SZT2: variants seen among roughly 807,000 people sequenced by gnomAD.
SZT2 encodes the protein KICSTOR complex protein SZT2.
A neutral mutation model predicts 404.2 loss-of-function variants in SZT2; 216 were observed. That is an observed-to-expected ratio of 0.53 (90% CI 0.48 to 0.60). The LOEUF (loss-of-function observed/expected upper bound fraction) is 0.60, where lower values mean the gene tolerates loss of function less well. Among genes scored for constraint, SZT2 ranks in the 20% least tolerant of loss-of-function variants. SZT2 has a pLI of 0.00. For missense variants in SZT2, 3,857 were observed against 4,459.2 expected (o/e 0.86, Z 3.85); for synonymous variants, 1,693 against 1,749.9 (o/e 0.97, Z 0.81).
In SZT2 at chr1:43,452,755, C is replaced by T. The variant is rs2153938325; in HGVS notation, c.*2275C>T. On this transcript the variant is annotated 3_prime_UTR_variant, in exon 72 of 72. Transcript: ENST00000634258. ...CAGTAGTGATCCCCTCTTGCCAGTTCCTTCTGAGCCTGTTTGGCCTCTGCA... is the reference window on the plus strand; with the variant it reads ...CAGTAGTGATCCCCTCTTGCCAGTTTCTTCTGAGCCTGTTTGGCCTCTGCA... 1.3e-5 allele frequency: 10 copies of T among 765,154 alleles called. No individual in the cohort carries two copies. In the South Asian group the frequency reaches 1.7e-4, roughly 13 times the overall value. 47.4% of individuals were successfully genotyped at this position (765,154 alleles called of 1,614,324 possible).
At chr1:43,391,309 C>A (rs111288020) in intron 1 of SZT2, among the ~76,000 whole-genome samples, 3 of 150,200 alleles carry the variant, frequency 2.0e-5, no homozygotes, top group African/African-American at 4.9e-5. Context: ...AGTGAAACTC[C>A]GTCTCAAAAA....
intron 28 of SZT2, 44 bp from the exon 29 acceptor site, chr1:43,429,659 T>C (rs1653616182): frequency 1.2e-6 from 2 of 1,612,584 alleles, no homozygotes; most frequent in Non-Finnish European, 1.7e-6. Flanking sequence ...ACTTCAGAGC[T>C]TGATGGTTCT....
At chr1:43,390,804 G>T (rs1345668827) in intron 1 of SZT2, among the ~76,000 whole-genome samples, 3 of 152,212 alleles carry the variant, frequency 2.0e-5, no homozygotes, top group Non-Finnish European at 4.4e-5. Flanking sequence ...CTCAGATTCG[G>T]ATAAAACACC....
chr1:43,400,495 C>T (rs986305576), intron 1 of SZT2, among the ~76,000 whole-genome samples: 1 of 152,192 alleles, frequency 6.6e-6, no homozygotes. Context: ...TTACTACTTA[C>T]GTTGAATCAC....
In SZT2 at chr1:43,448,774, T is replaced by C. The variant is rs754941066; in HGVS notation, c.10086+46T>C. On this transcript the variant is annotated intron_variant, in intron 70 of 71. Transcript: ENST00000634258. This position sits in a 1 kb window ranked among gnomAD's most constrained non-coding sequence, Gnocchi z 4.2. ...TCTGAAAAGGGAAACACAGCAGAAA[T>C]CCTCACCAAACAGATGTGCCCCTCA... 1.4e-5 allele frequency: 22 copies of C among 1,567,034 alleles called. No individual in the cohort carries two copies. The South Asian group carries it at 2.4e-4, about 17-fold the overall frequency.
chr1:43,453,515 C>G lies in SZT2; in HGVS notation c.*3035C>G, dbSNP rs777135303. 6.5e-7 allele frequency: 1 copy of G among 1,538,792 alleles called. No homozygotes were observed. Among genetic ancestry groups the G allele is most frequent in the Non-Finnish European group, 8.8e-7 (1 of 1,139,512 alleles). ...TTGGTCTCCTGCAGAGAGAACGGGC[C>G]TCAGCCCCCGGCTCGGACACTCCCC... On this transcript the variant is annotated 3_prime_UTR_variant, in exon 72 of 72. Transcript: ENST00000634258.
At chr1:43,447,744 G>GT in intron 67 of SZT2, 46 bp downstream of exon 67, 1 of 1,610,862 alleles carries the variant, frequency 6.2e-7, no homozygotes, top group South Asian at 1.1e-5. Context: ...AGGAGCTGGG[G>GT]TTGGGACATA....
Position 43,424,712 on chromosome 1 carries a change from G to A in SZT2, c.2472-72G>A. 1 of 1,344,144 alleles carries A rather than the reference G, an allele frequency of 7.4e-7. No homozygotes were observed. Among genetic ancestry groups the A allele is most frequent in the South Asian group, 1.2e-5 (1 of 82,628 alleles). 83.3% of individuals were successfully genotyped at this position (1,344,144 alleles called of 1,614,324 possible). ...GGACTGCTGGGAGGTGGGTGTATGT[G>A]GGGAGAGCTTGTAGTCTCAGTGTCT... On this transcript the variant is annotated intron_variant, in intron 16 of 71. Coordinates refer to ENST00000634258, the MANE Select transcript of SZT2 (RefSeq NM_001365999.1). The surrounding 1 kb of genome is among the most constrained non-coding windows in gnomAD (Gnocchi z 4.1).
intron 4 of SZT2, among the ~76,000 whole-genome samples, chr1:43,414,044 G>T (rs1435658329): frequency 6.6e-6 from 1 of 152,136 alleles, no homozygotes; most frequent in Non-Finnish European, 1.5e-5. Context: ...CACTTTGGGA[G>T]GCTGAGGTGG....
intron 32 of SZT2, 59 bp downstream of exon 32, chr1:43,430,848 G>T: frequency 6.3e-7 from 1 of 1,583,362 alleles, no homozygotes; most frequent in Non-Finnish European, 8.6e-7. Flanking sequence ...GCCTAAGTGG[G>T]AGTGGAGGGG....
At chr1:43,407,763 C>A (rs1650493107) in intron 4 of SZT2, among the ~76,000 whole-genome samples, 1 of 151,408 alleles carries the variant, frequency 6.6e-6, no homozygotes, top group Non-Finnish European at 1.5e-5. Context: ...AATACAATAC[C>A]CAGAAACAAC....
Position 43,420,665 on chromosome 1 carries a change from G to A in SZT2, c.1262-84G>A. 1 of 1,323,232 alleles carries A rather than the reference G, an allele frequency of 7.6e-7. No individual in the cohort carries two copies. Among genetic ancestry groups the A allele is most frequent in the Non-Finnish European group, 1.0e-6 (1 of 956,232 alleles). The allele number at this position is 1,323,232 out of a possible 1,614,324, so 82.0% of individuals were successfully genotyped here. A position where few individuals can be genotyped will look rare whatever the true frequency, so the allele number is the denominator to read the frequency against. The stretch of plus-strand genomic sequence containing the variant: ...CTTTGGCAGGACTGGGTTCCATGAG[G>A]TAGGTGGGGGTTTCAGATAGAACTC... On this transcript the variant is annotated intron_variant, in intron 9 of 71. Transcript: ENST00000634258. This position sits in a 1 kb window ranked among gnomAD's most constrained non-coding sequence, Gnocchi z 5.1.
At chr1:43,390,982 T>G (rs1258680316) in intron 1 of SZT2, among the ~76,000 whole-genome samples, 1 of 152,198 alleles carries the variant, frequency 6.6e-6, no homozygotes, top group Non-Finnish European at 1.5e-5. Context: ...CTGTATCATC[T>G]CCTTTTTTTA....
rs1216760016 is a variant in SZT2 at position 43,432,375 on chromosome 1, A to T, written c.5378A>T (p.Glu1793Val). 19 of 1,602,132 alleles carry T rather than the reference A, an allele frequency of 1.2e-5. No individual in the cohort carries two copies. The highest frequency in any genetic ancestry group is 1.5e-5 in the Non-Finnish European group (18 of 1,175,212). Reference protein sequence around the residue: ...AGQQPGGSHGEPSSAAWAWHS... With the variant: ...AGQQPGGSHGVPSSAAWAWHS... ...CAACAGCCAGGTGGGTCCCATGGGG[A>T]GCCTTCTTCAGCGGCCTGGGCTTGG... The change falls in exon 37 of 72, where the codon GAG becomes GTG. Residue 1793 changes from glutamate (E) to valine (V), a missense_variant. This residue lies in a region of SZT2 where 1,725 missense variants were observed against 1,881.0 expected (regional missense o/e 0.92). Coordinates refer to ENST00000634258, the MANE Select transcript of SZT2 (RefSeq NM_001365999.1).
rs754729230 is a variant in SZT2, at chr1:43,404,497, A to G, written c.445A>G (p.Ile149Val). The G allele has an allele frequency of 1.2e-6, 2 of 1,613,816 alleles. No homozygotes were observed. The highest frequency in any genetic ancestry group is 2.7e-5 in the African/African-American group (2 of 74,896). Residue 149 changes from isoleucine (I) to valine (V), a missense_variant, in exon 4 of 72, where the codon ATC becomes GTC. Ile to Val is a conservative substitution (Grantham distance 29). Coordinates refer to ENST00000634258, the MANE Select transcript of SZT2 (RefSeq NM_001365999.1). ...PGSCIDFQPE[I>V]YVTIQAYSSI... is the part of the protein sequence containing the mutation. ...ATCTTGCATCGACTTCCAGCCTGAG[A>G]TCTATGTAACTATCCAGGCCTACTC...
In SZT2 at chr1:43,453,590, C is replaced by T; in HGVS notation, c.*3110C>T. ...CCCTCCCAGCCCTCCCGGCCCGCGA[C>T]GCACCCGGGGGCGTGTTGATCAGTA... On this transcript the variant is annotated 3_prime_UTR_variant, in exon 72 of 72. Transcript: ENST00000634258. The T allele has an allele frequency of 6.6e-7, 1 of 1,521,592 alleles. No individual in the cohort carries two copies. Among genetic ancestry groups the T allele is most frequent in the Non-Finnish European group, 8.8e-7 (1 of 1,134,016 alleles). The allele number at this position is 1,521,592 out of a possible 1,614,324, so 94.3% of individuals were successfully genotyped here. A position where few individuals can be genotyped will look rare whatever the true frequency, so the allele number is the denominator to read the frequency against.
At chr1:43,419,641 G>C in intron 7 of SZT2, 93 bp from the exon 8 acceptor site, 1 of 1,045,228 alleles carries the variant, frequency 9.6e-7, no homozygotes, top group Non-Finnish European at 1.4e-6. Context: ...CCAGGGAATG[G>C]GAGCAGCCAC....
rs555460180 is a variant in SZT2 at position 43,397,726 on chromosome 1, G to A, written c.28-5451G>A. 2.6e-5 allele frequency among the ~76,000 whole-genome samples: 4 copies of A among 151,972 alleles called. No homozygotes were observed. The South Asian group carries it at 8.3e-4, about 32-fold the overall frequency. On this transcript the variant is annotated intron_variant, in intron 1 of 71. Coordinates refer to ENST00000634258, the MANE Select transcript of SZT2 (RefSeq NM_001365999.1). ...TATGTTTTGGTAGAGGTGGGGTTTC[G>A]CCACATTGGCCAGGCTGGTCTCGAG...
chr1:43,395,645 TACTC>T (rs1648906658), intron 1 of SZT2, among the ~76,000 whole-genome samples: 1 of 152,234 alleles, frequency 6.6e-6, no homozygotes, highest in Non-Finnish European at 1.5e-5. Context: ...TCGGAGCACT[TACTC>T]AGTGTGTAAT....
Sources: allele counts gnomAD v4.1 joint callset (sites outside exome capture counted in the v4.1 genomes callset), GRCh38; gene constraint gnomAD v4.1.1; regional missense constraint gnomAD v4.1.1; non-coding constraint Gnocchi (gnomAD v3.1); transcripts MANE v1.5; gene names NCBI Gene and HGNC (gene_info 2026-07-23, HGNC 2026-07-21).